SNTN: variants seen among roughly 807,000 people sequenced by gnomAD.
SNTN encodes the protein sentan.
SNTN carries 13 observed loss-of-function variants against 12.3 expected under a neutral mutation model. The ratio of observed to expected loss-of-function variants is 1.05; its 90% CI spans 0.69 to 1.67. SNTN has a LOEUF of 1.67. Among genes scored for constraint, SNTN ranks in the 40% most tolerant of loss-of-function variants. The probability of loss-of-function intolerance (pLI) is 0.00; values close to 1 mark genes in which losing one functional copy is unlikely to be tolerated. For missense variants in SNTN, 189 were observed against 169.8 expected (o/e 1.11, Z -0.63); for synonymous variants, 69 against 58.5 (o/e 1.18, Z -0.82).
intron 3 of SNTN, 152 bp from the exon 4 acceptor site, chr3:63,663,785 T>C (rs746055716): frequency 1.0e-6 from 1 of 959,418 alleles, no homozygotes; most frequent in Non-Finnish European, 1.6e-6. Context: ...GCCATCAGAA[T>C]TGTAAGCCAA....
intron 1 of SNTN, among the ~76,000 whole-genome samples, chr3:63,653,708 A>T (rs1449552342): frequency 6.6e-6 from 1 of 152,226 alleles, no homozygotes; most frequent in East Asian, 1.9e-4. Flanking sequence ...TAAGAGAGCA[A>T]GATACAACTT....
intron 2 of SNTN, among the ~76,000 whole-genome samples, chr3:63,658,459 A>G (rs1392028741): frequency 1.3e-5 from 2 of 149,902 alleles, no homozygotes; most frequent in South Asian, 2.1e-4. Context: ...ATAACATACA[A>G]TAACAGAAAA....
intron 2 of SNTN, 114 bp downstream of exon 2, chr3:63,654,910 G>T: frequency 1.1e-6 from 1 of 913,706 alleles, no homozygotes; most frequent in Admixed American, 2.2e-5. Flanking sequence ...GGGAACTTTT[G>T]AATAAATCAT....
In SNTN at chr3:63,664,107, T is replaced by C. The variant is rs1344166323; in HGVS notation, c.*12T>C. 2 of 1,584,900 alleles carry C rather than the reference T, an allele frequency of 1.3e-6. No homozygotes were observed. The highest frequency in any genetic ancestry group is 1.7e-6 in the Non-Finnish European group (2 of 1,164,702). On this transcript the variant is annotated 3_prime_UTR_variant, in exon 4 of 4. Transcript: ENST00000343837. ...AAATTATGAAATGAACAGTTTTAAATATGCTGTATAAAATAATGGCAAAAG... is the reference window on the plus strand; with the variant it reads ...AAATTATGAAATGAACAGTTTTAAACATGCTGTATAAAATAATGGCAAAAG...
rs374253295 is a variant in SNTN at position 63,653,052 on chromosome 3, G to A, written c.110+255G>A. ...GAGAAACATTTGTAAATCAAAATTG[G>A]TGATGACTTAACTGTGTAGCATATT... On this transcript the variant is annotated intron_variant, in intron 1 of 3. Transcript: ENST00000343837. Among the ~76,000 whole-genome samples the A allele has an allele frequency of 4.6e-5, 7 of 152,280 alleles. No individual in the cohort carries two copies. The East Asian group carries it at 1.4e-3, about 29-fold the overall frequency.
At position 63,664,267 on chromosome 3, in the gene SNTN, C is replaced by T; in HGVS notation, c.*172C>T. ...ACTCCAAATATTTACCCATACACTT[C>T]AAGAATGTTTGAATGATAAGGTCTC... On this transcript the variant is annotated 3_prime_UTR_variant, in exon 4 of 4. Coordinates refer to ENST00000343837, the MANE Select transcript of SNTN (RefSeq NM_001080537.2). 1.7e-6 allele frequency: 1 copy of T among 595,664 alleles called. No individual in the cohort carries two copies. Among genetic ancestry groups the T allele is most frequent in the South Asian group, 2.3e-5 (1 of 42,582 alleles). The allele number at this position is 595,664 out of a possible 1,614,324, so 36.9% of individuals were successfully genotyped here. A position where few individuals can be genotyped will look rare whatever the true frequency, so the allele number is the denominator to read the frequency against.
In SNTN at chr3:63,663,929, T is replaced by C; in HGVS notation, c.286-8T>C. On this transcript the variant is annotated splice_polypyrimidine_tract_variant and splice_region_variant and intron_variant, in intron 3 of 3. Transcript: ENST00000343837. Reference sequence around the variant, plus strand: ...ACGAATTCGGTTTTTATTTCTCCATTCTCACAGGGACAAGAAACCAAGCCA... The same window carrying C: ...ACGAATTCGGTTTTTATTTCTCCATCCTCACAGGGACAAGAAACCAAGCCA... 1 of 1,607,994 alleles carries C rather than the reference T, an allele frequency of 6.2e-7. No individual in the cohort carries two copies. Among genetic ancestry groups the C allele is most frequent in the East Asian group, 2.2e-5 (1 of 44,824 alleles).
intron 3 of SNTN, among the ~76,000 whole-genome samples, chr3:63,661,494 C>T (rs1306010647): frequency 1.3e-5 from 2 of 151,950 alleles, no homozygotes; most frequent in African/African-American, 4.8e-5. Flanking sequence ...GTGATTATTT[C>T]AAAAGAGAAA....
At position 63,654,754 on chromosome 3, in the gene SNTN, G is replaced by A; in HGVS notation, c.111-8G>A. 1.9e-6 allele frequency: 3 copies of A among 1,612,546 alleles called. No individual in the cohort carries two copies. Among genetic ancestry groups the A allele is most frequent in the East Asian group, 4.5e-5 (2 of 44,816 alleles). ...AGAATCATTCTGTTTCTTTCATTTT[G>A]TTGGCAGGATTTCAATATCCAAACA... On this transcript the variant is annotated splice_region_variant and splice_polypyrimidine_tract_variant and intron_variant, in intron 1 of 3. Coordinates refer to ENST00000343837, the MANE Select transcript of SNTN (RefSeq NM_001080537.2).
intron 3 of SNTN, 182 bp from the exon 4 acceptor site, chr3:63,663,755 G>A (rs1441432310): frequency 2.7e-6 from 2 of 743,160 alleles, no homozygotes; most frequent in Non-Finnish European, 4.8e-6. Context: ...ACATGCAGAT[G>A]CCTGATCTTG....
chr3:63,660,450 G>T (rs1441265410), intron 3 of SNTN, among the ~76,000 whole-genome samples: 1 of 152,194 alleles, frequency 6.6e-6, no homozygotes, highest in Non-Finnish European at 1.5e-5. Context: ...AGGGTTGGGG[G>T]TGGAATAGGA....
Position 63,664,101 on chromosome 3 carries a change from T to G in SNTN, c.*6T>G. 6.3e-7 allele frequency: 1 copy of G among 1,595,870 alleles called. No homozygotes were observed. The highest frequency in any genetic ancestry group is 8.5e-7 in the Non-Finnish European group (1 of 1,171,054). On this transcript the variant is annotated 3_prime_UTR_variant, in exon 4 of 4. Coordinates refer to ENST00000343837, the MANE Select transcript of SNTN (RefSeq NM_001080537.2). Reference sequence around the variant, plus strand: ...ATGTAAAAATTATGAAATGAACAGTTTTAAATATGCTGTATAAAATAATGG... The same window carrying G: ...ATGTAAAAATTATGAAATGAACAGTGTTAAATATGCTGTATAAAATAATGG...
chr3:63,654,331 G>A (rs919402725), intron 1 of SNTN, among the ~76,000 whole-genome samples: 2 of 152,172 alleles, frequency 1.3e-5, no homozygotes, highest in Admixed American at 6.5e-5. Flanking sequence ...TCCAGAGTGG[G>A]AGTTCCAGGT....
At chr3:63,663,636 C>T in intron 3 of SNTN, 1 of 395,280 alleles carries the variant, frequency 2.5e-6, no homozygotes. Flanking sequence ...TTTAAAAGAG[C>T]CTGGAACCCT....
chr3:63,654,192 T>G (rs1259276995), intron 1 of SNTN, among the ~76,000 whole-genome samples: 3 of 152,184 alleles, frequency 2.0e-5, no homozygotes, highest in Non-Finnish European at 4.4e-5. Context: ...TATCAGTCAC[T>G]CATGCATCCC....
At chr3:63,656,968 C>T (rs1169710104) in intron 2 of SNTN, among the ~76,000 whole-genome samples, 3 of 152,150 alleles carry the variant, frequency 2.0e-5, no homozygotes, top group Non-Finnish European at 4.4e-5. Context: ...CCTCATCGGA[C>T]TGACATCAGA....
rs754995887 is a variant in SNTN, at chr3:63,652,714, G to A, written c.27G>A (p.Gln9=). 6.2e-7 allele frequency: 1 copy of A among 1,613,998 alleles called. No homozygotes were observed. The highest frequency in any genetic ancestry group is 1.3e-5 in the African/African-American group (1 of 75,034). Reference sequence around the variant, plus strand: ...TGGGTGGCTGTATGCACAGTACCCAGGACAAATCTCTCCACTTGGAAGGAG... The same window carrying A: ...TGGGTGGCTGTATGCACAGTACCCAAGACAAATCTCTCCACTTGGAAGGAG... MGGCMHST[Q]DKSLHLEGDP... Residue 9 remains glutamine (Q), a synonymous_variant, in exon 1 of 4, where the codon CAG becomes CAA. Transcript: ENST00000343837.
At chr3:63,658,026 GA>G (rs1306930683) in intron 2 of SNTN, among the ~76,000 whole-genome samples, 1 of 152,096 alleles carries the variant, frequency 6.6e-6, no homozygotes, top group Non-Finnish European at 1.5e-5. Flanking sequence ...CCACTTTGAA[GA>G]AAATCCTGAT....
intron 3 of SNTN, among the ~76,000 whole-genome samples, chr3:63,661,768 C>T (rs1351947142): frequency 1.3e-5 from 2 of 151,436 alleles, no homozygotes; most frequent in Non-Finnish European, 2.9e-5. Flanking sequence ...AAATCCTATA[C>T]CATTTGCCCA....
Sources: allele counts gnomAD v4.1 joint callset (sites outside exome capture counted in the v4.1 genomes callset), GRCh38; gene constraint gnomAD v4.1.1; transcripts MANE v1.5; gene names NCBI Gene and HGNC (gene_info 2026-07-23, HGNC 2026-07-21).